Variants in SLC39A11 observed in about 807,000 individuals in gnomAD.
SLC39A11 encodes the protein solute carrier family 39 member 11.
A neutral mutation model predicts 36.1 loss-of-function variants in SLC39A11; 33 were observed. That is an observed-to-expected ratio of 0.91 (90% CI 0.69 to 1.22). The LOEUF (loss-of-function observed/expected upper bound fraction) is 1.22. Among genes scored for constraint, SLC39A11 ranks in the 50% most tolerant of loss-of-function variants. SLC39A11 has a pLI of 0.00. For missense variants in SLC39A11, 432 were observed against 430.3 expected (o/e 1.00, Z -0.03); for synonymous variants, 166 against 170.3 (o/e 0.97, Z 0.20).
At chr17:73,072,300 A>G (rs937035807) in intron 3 of SLC39A11, 1 of 152,574 alleles carries the variant, frequency 6.6e-6, no homozygotes, top group Non-Finnish European at 1.5e-5. Flanking sequence ...GGCGCCAGAT[A>G]CTCACTCACG....
intron 4 of SLC39A11, among the ~76,000 whole-genome samples, chr17:73,004,367 C>A (rs1297012053): frequency 6.6e-6 from 1 of 152,164 alleles, no homozygotes; most frequent in African/African-American, 2.4e-5. Context: ...CCTTGCTCCT[C>A]GGCTCCCAGA....
intron 3 of SLC39A11, among the ~76,000 whole-genome samples, chr17:73,032,278 C>T (rs2058762055): frequency 6.6e-6 from 1 of 151,548 alleles, no homozygotes; most frequent in Non-Finnish European, 1.5e-5. Flanking sequence ...ACAATCTTGG[C>T]TCACTGCAAC....
chr17:72,994,325 A>AAT (rs1034915885), intron 4 of SLC39A11, among the ~76,000 whole-genome samples: 1 of 152,218 alleles, frequency 6.6e-6, no homozygotes, highest in African/African-American at 2.4e-5. Context: ...ATACACAACT[A>AAT]ATATATATAG....
At chr17:72,830,754 T>C (rs1389720098) in intron 6 of SLC39A11, among the ~76,000 whole-genome samples, 1 of 152,120 alleles carries the variant, frequency 6.6e-6, no homozygotes, top group Admixed American at 6.5e-5. Context: ...CCCAAATATC[T>C]TCATCAAACC....
chr17:72,776,130 G>A (rs2076123194), intron 6 of SLC39A11, among the ~76,000 whole-genome samples: 1 of 152,230 alleles, frequency 6.6e-6, no homozygotes. Context: ...GCTTTCAAGT[G>A]CCAGATGGCG....
intron 6 of SLC39A11, among the ~76,000 whole-genome samples, chr17:72,832,646 T>G (rs1227894459): frequency 6.6e-6 from 1 of 152,158 alleles, no homozygotes; most frequent in African/African-American, 2.4e-5. Flanking sequence ...AAAAAGAAAA[T>G]GGAATTTTGA....
intron 4 of SLC39A11, among the ~76,000 whole-genome samples, chr17:73,018,229 A>G (rs1262975430): frequency 2.6e-5 from 4 of 152,166 alleles, no homozygotes; most frequent in African/African-American, 9.6e-5. Context: ...TAGACCACTG[A>G]CAATGTCCAA....
At chr17:72,893,703 C>T (rs183651955) in intron 5 of SLC39A11, among the ~76,000 whole-genome samples, 25 of 152,154 alleles carry the variant, frequency 1.6e-4, no homozygotes, top group African/African-American at 5.5e-4. Flanking sequence ...TGAGAAAAAT[C>T]AAGGTTAGAA....
At chr17:72,928,004 A>C (rs1312654029) in intron 5 of SLC39A11, among the ~76,000 whole-genome samples, 1 of 152,176 alleles carries the variant, frequency 6.6e-6, no homozygotes, top group Non-Finnish European at 1.5e-5. Flanking sequence ...ACTCTCAATA[A>C]GGCTGAATTT....
intron 4 of SLC39A11, among the ~76,000 whole-genome samples, chr17:72,977,517 A>G (rs1278393144): frequency 6.6e-6 from 1 of 152,230 alleles, no homozygotes. Context: ...GTTCATGCAG[A>G]TAAAACCTGT....
intron 3 of SLC39A11, among the ~76,000 whole-genome samples, chr17:73,055,491 G>A (rs1279781124): frequency 6.6e-6 from 1 of 151,608 alleles, no homozygotes; most frequent in Non-Finnish European, 1.5e-5. Context: ...GAGTGCAGTG[G>A]TACAATCACA....
At chr17:72,829,344 T>C (rs1294498142) in intron 6 of SLC39A11, among the ~76,000 whole-genome samples, 1 of 140,886 alleles carries the variant, frequency 7.1e-6, no homozygotes, top group African/African-American at 2.9e-5. Context: ...AGCGAGCCTC[T>C]GTCTCAAAAA....
At chr17:73,007,517 T>C (rs935871923) in intron 4 of SLC39A11, among the ~76,000 whole-genome samples, 3 of 152,102 alleles carry the variant, frequency 2.0e-5, no homozygotes, top group Non-Finnish European at 4.4e-5. Context: ...AAGGAAGGAC[T>C]TGGCCTGGTG....
chr17:72,674,363 C>T (rs1201538610), intron 7 of SLC39A11, among the ~76,000 whole-genome samples: 1 of 152,174 alleles, frequency 6.6e-6, no homozygotes, highest in Non-Finnish European at 1.5e-5. Flanking sequence ...TAAATGAGTT[C>T]ACAGAGATCT....
intron 4 of SLC39A11, among the ~76,000 whole-genome samples, chr17:73,026,233 A>AGAGAAGAGAAGAGAAGAGAAGAGAG (rs374840533): frequency 6.6e-6 from 1 of 150,480 alleles, no homozygotes. Context: ...AGAGAAGAGA[A>AGAGAAGAGAAGAGAAGAGAAGAGAG]AAGGGAAAAG....
At chr17:72,665,164 G>A (rs561764332) in intron 7 of SLC39A11, among the ~76,000 whole-genome samples, 1 of 152,244 alleles carries the variant, frequency 6.6e-6, no homozygotes, top group East Asian at 1.9e-4. Context: ...TACATGATGA[G>A]GAACTGAGAC....
intron 6 of SLC39A11, among the ~76,000 whole-genome samples, chr17:72,766,661 A>G (rs1195072810): frequency 1.3e-5 from 2 of 152,148 alleles, no homozygotes; most frequent in African/African-American, 4.8e-5. Context: ...ACTTACTCAG[A>G]GAAACCTTTC....
At chr17:72,820,256 G>A (rs1039987164) in intron 6 of SLC39A11, among the ~76,000 whole-genome samples, 2 of 151,238 alleles carry the variant, frequency 1.3e-5, no homozygotes, top group African/African-American at 4.8e-5. Flanking sequence ...TTCCCCTCTG[G>A]ATGTTGAAAC....
chr17:72,681,498 A>G (rs1391456567), intron 7 of SLC39A11, among the ~76,000 whole-genome samples: 4 of 152,120 alleles, frequency 2.6e-5, no homozygotes, highest in Non-Finnish European at 5.9e-5. Flanking sequence ...GGAAGGAGAG[A>G]AGTCACGAAT....
Sources: gnomAD v4.1 joint callset for allele counts (sites outside exome capture counted in the v4.1 genomes callset) on GRCh38, gnomAD v4.1.1 for gene constraint, MANE v1.5 for transcripts, NCBI Gene and HGNC (gene_info 2026-07-23, HGNC 2026-07-21) for gene names.